The following MAST4 variants were observed in gnomAD, a reference collection of about 807,000 sequenced individuals.
MAST4 encodes the protein microtubule-associated serine/threonine-protein kinase 4.
MAST4 carries 89 observed loss-of-function variants against 162.7 expected under a neutral mutation model. That is an observed-to-expected ratio of 0.55 (90% confidence interval 0.46 to 0.65). The LOEUF is 0.65. Ranked by LOEUF, MAST4 falls within the 30% of genes least tolerant of loss-of-function variation. MAST4 has a pLI of 0.00. For missense variants in MAST4, 3,153 were observed against 3,374.0 expected (o/e 0.93, Z 1.62); for synonymous variants, 1,479 against 1,361.1 (o/e 1.09, Z -1.91).
intron 4 of MAST4, chr5:67,001,387 C>T (rs1751275677): frequency 6.6e-6 from 1 of 151,958 alleles, no homozygotes; most frequent in Non-Finnish European, 1.5e-5. Flanking sequence ...TCCTCATGTA[C>T]TTAACCTATT....
intron 1 of MAST4, among the ~76,000 whole-genome samples, chr5:66,739,515 T>G (rs1195489178): frequency 2.6e-5 from 4 of 152,302 alleles, no homozygotes; most frequent in Non-Finnish European, 5.9e-5. Context: ...TTTTCACATA[T>G]ATAGAGGCAT....
chr5:67,116,927 G>T (rs372179919), intron 12 of MAST4, among the ~76,000 whole-genome samples: 3 of 152,266 alleles, frequency 2.0e-5, no homozygotes, highest in East Asian at 3.9e-4. Flanking sequence ...GTTAGGAATT[G>T]GGAGTTCTGG....
At chr5:66,764,918 T>G (rs1023208756) in intron 2 of MAST4, among the ~76,000 whole-genome samples, 3 of 152,198 alleles carry the variant, frequency 2.0e-5, no homozygotes, top group Non-Finnish European at 1.5e-5. Context: ...ACTCACTGAC[T>G]CCCTGGTAGC....
intron 24 of MAST4, 54 bp downstream of exon 24, chr5:67,149,643 C>A (rs1246723797): frequency 6.5e-7 from 1 of 1,536,196 alleles, no homozygotes; most frequent in Non-Finnish European, 8.9e-7. Flanking sequence ...TGGTCCCATC[C>A]CTCCTCTCCC....
At chr5:66,998,335 G>A (rs1222188418) in intron 4 of MAST4, among the ~76,000 whole-genome samples, 1 of 152,168 alleles carries the variant, frequency 6.6e-6, no homozygotes, top group Non-Finnish European at 1.5e-5. Context: ...ATGATTAGTA[G>A]CCATGGTTCA....
chr5:66,886,738 A>ATTT (rs1220992990), intron 3 of MAST4, among the ~76,000 whole-genome samples: 1 of 150,694 alleles, frequency 6.6e-6, no homozygotes, highest in Non-Finnish European at 1.5e-5. Flanking sequence ...AATAGAAACT[A>ATTT]AAGTGAAAAC....
At chr5:66,915,182 T>C (rs1028032106) in intron 4 of MAST4, among the ~76,000 whole-genome samples, 3 of 151,146 alleles carry the variant, frequency 2.0e-5, no homozygotes, top group Non-Finnish European at 2.9e-5. Flanking sequence ...GGGAGAATCA[T>C]TTGAACCCAG....
rs749378386 is a variant in MAST4 at position 67,149,432 on chromosome 5, C to T, written c.3138C>T (p.Ser1046=). 116 of 1,613,398 alleles carry T rather than the reference C, an allele frequency of 7.2e-5. No individual in the cohort carries two copies. Among genetic ancestry groups the T allele is most frequent in the Admixed American group, 2.5e-4 (15 of 59,942 alleles). Residue 1046 remains serine, a synonymous_variant, in exon 24 of 29, where the codon AGC becomes AGT. Transcript: ENST00000403625. Reference sequence around the variant, plus strand: ...ACTTGGATCAGATAAATGGACGAAGCGAGTGTGTGGACAGTACAGATAATT... The same window carrying T: ...ACTTGGATCAGATAAATGGACGAAGTGAGTGTGTGGACAGTACAGATAATT... ...SEHLDQINGR[S]ECVDSTDNSS...
At chr5:66,964,040 G>A (rs1746345668) in intron 4 of MAST4, 1 of 641,790 alleles carries the variant, frequency 1.6e-6, no homozygotes, top group South Asian at 1.5e-5. Context: ...GCTTTCTTAG[G>A]GAATGATCTG....
At chr5:66,796,899 T>C (rs749375375) in intron 3 of MAST4, among the ~76,000 whole-genome samples, 12 of 152,238 alleles carry the variant, frequency 7.9e-5, no homozygotes, top group Non-Finnish European at 1.2e-4. Context: ...ACTTAGAAAA[T>C]AGTTGTTTAT....
At chr5:67,013,844 G>T (rs1475601489) in intron 4 of MAST4, among the ~76,000 whole-genome samples, 1 of 152,132 alleles carries the variant, frequency 6.6e-6, no homozygotes, top group African/African-American at 2.4e-5. Context: ...GCTGAATAAA[G>T]CACTCGAGGA....
rs143509517 is a variant in MAST4 at position 66,817,146 on chromosome 5, G to T, written c.642+28352G>T. On this transcript the variant is annotated intron_variant, in intron 3 of 28. Transcript: ENST00000403625. ...GCGACCCCATGACTGCATTCTGGTG[G>T]GACTGAGCCTTTTTCCTCTGTCTAT... 1.1e-3 allele frequency among the ~76,000 whole-genome samples: 160 copies of T among 152,144 alleles called. 2 individuals carry two copies. In the East Asian group the frequency reaches 0.028, roughly 27 times the overall value.
rs922001041 is a variant in MAST4 at position 67,167,197 on chromosome 5, G to A, written c.*146G>A. 3 of 366,104 alleles carry A rather than the reference G, an allele frequency of 8.2e-6. No individual in the cohort carries two copies. The highest frequency in any genetic ancestry group is 4.9e-5 in the African/African-American group (2 of 41,134). 22.7% of individuals were successfully genotyped at this position (366,104 alleles called of 1,614,324 possible). A position where few individuals can be genotyped will look rare whatever the true frequency, so the allele number is the denominator to read the frequency against. On this transcript the variant is annotated 3_prime_UTR_variant, in exon 29 of 29. Transcript: ENST00000403625. Reference sequence around the variant, plus strand: ...GAGACAGGGGAGAGAGAAAGACAAAGAGGGGACCTTCTTCCAGATGCCTTC... The same window carrying A: ...GAGACAGGGGAGAGAGAAAGACAAAAAGGGGACCTTCTTCCAGATGCCTTC...
At chr5:67,086,249 C>T (rs1763219580) in intron 5 of MAST4, among the ~76,000 whole-genome samples, 1 of 152,206 alleles carries the variant, frequency 6.6e-6, no homozygotes, top group Non-Finnish European at 1.5e-5. Context: ...ATTTCACAAA[C>T]AGACAGCTAT....
intron 1 of MAST4, among the ~76,000 whole-genome samples, chr5:66,757,034 C>T (rs1337356596): frequency 1.3e-5 from 2 of 152,048 alleles, no homozygotes; most frequent in African/African-American, 2.4e-5. Context: ...CTGTTTTCTC[C>T]TTGATTTCCT....
intron 1 of MAST4, among the ~76,000 whole-genome samples, chr5:66,689,794 G>C (rs555339296): frequency 2.0e-5 from 3 of 152,170 alleles, no homozygotes; most frequent in Non-Finnish European, 2.9e-5. Flanking sequence ...TACAGTGCCT[G>C]GTAGTGTATT....
At chr5:67,056,266 C>T (rs1366828200) in intron 5 of MAST4, among the ~76,000 whole-genome samples, 1 of 152,102 alleles carries the variant, frequency 6.6e-6, no homozygotes, top group South Asian at 2.1e-4. Flanking sequence ...ACTACCATTT[C>T]TGTTTGTGAG....
intron 2 of MAST4, among the ~76,000 whole-genome samples, chr5:66,776,815 T>G (rs1227274302): frequency 6.6e-6 from 1 of 152,172 alleles, no homozygotes; most frequent in East Asian, 1.9e-4. Flanking sequence ...TAGAACATAC[T>G]GCATACAGAA....
chr5:66,919,099 A>ACAC (rs1554068313), intron 4 of MAST4, among the ~76,000 whole-genome samples: 2 of 142,208 alleles, frequency 1.4e-5, no homozygotes, highest in Non-Finnish European at 3.1e-5. Context: ...CGAGACTCTC[A>ACAC]ACACACACAC....
Sources: gnomAD v4.1 joint callset for allele counts (sites outside exome capture counted in the v4.1 genomes callset) on GRCh38, gnomAD v4.1.1 for gene constraint, MANE v1.5 for transcripts, NCBI Gene and HGNC (gene_info 2026-07-23, HGNC 2026-07-21) for gene names.